Variants in ZBTB46 observed in about 807,000 individuals in gnomAD.
The protein encoded by ZBTB46 is zinc finger and BTB domain-containing protein 46.
In ZBTB46, 8 loss-of-function variants were observed where a neutral mutation model predicts 44.1. The ratio of observed to expected loss-of-function variants is 0.18; its 90% CI spans 0.11 to 0.33. ZBTB46 has a LOEUF of 0.33. Among genes scored for constraint, ZBTB46 ranks in the 10% least tolerant of loss-of-function variants. ZBTB46 has a pLI of 1.00. For synonymous variants in ZBTB46, 409 were observed against 382.3 expected, an observed-to-expected ratio of 1.07 and a Z score of -0.81; for missense variants, 651 against 847.7, an observed-to-expected ratio of 0.77 and a Z score of 2.88.
At chr20:63,783,322 G>A (rs957947092) in intron 2 of ZBTB46, among the ~76,000 whole-genome samples, 3 of 151,908 alleles carry the variant, frequency 2.0e-5, no homozygotes, top group South Asian at 2.1e-4. Flanking sequence ...CCAGCTACTC[G>A]GGAGGCTGAG....
chr20:63,813,656 G>A (rs2092730713), intron 1 of ZBTB46, among the ~76,000 whole-genome samples: 2 of 152,232 alleles, frequency 1.3e-5, no homozygotes, highest in Non-Finnish European at 2.9e-5. Flanking sequence ...GGTAGGAAGT[G>A]TCACAGAACC....
rs1247592201 is a variant in ZBTB46, at chr20:63,752,876, C to T, written c.1223-15G>A. 3 of 1,586,676 alleles carry T rather than the reference C, an allele frequency of 1.9e-6. No individual in the cohort carries two copies. The Admixed American group carries it at 5.1e-5, about 27-fold the overall frequency. On this transcript the variant is annotated splice_polypyrimidine_tract_variant and intron_variant, in intron 3 of 4. Coordinates refer to ENST00000245663, the MANE Select transcript of ZBTB46 (RefSeq NM_001369741.1). The surrounding 1 kb of genome is among the most constrained non-coding windows in gnomAD (Gnocchi z 5.6). ...GAACTCATTCACTGAAAGAGAGGGA[C>T]CCGCGAGGCGTCAGCAGGGCTTGGG... is the stretch of plus-strand genomic sequence containing the variant.
At chr20:63,783,716 G>C (rs779639978) in intron 2 of ZBTB46, among the ~76,000 whole-genome samples, 10 of 152,308 alleles carry the variant, frequency 6.6e-5, no homozygotes, top group Middle Eastern at 3.4e-3. Flanking sequence ...AGCATCTCCC[G>C]AGCAGCTGTG....
chr20:63,789,122 T>C (rs1290589210), intron 2 of ZBTB46, among the ~76,000 whole-genome samples: 1 of 149,774 alleles, frequency 6.7e-6, no homozygotes, highest in Non-Finnish European at 1.5e-5. Context: ...TGGCTGAGAC[T>C]GTCTCAAAAA....
chr20:63,752,993 G>A lies in ZBTB46; in HGVS notation c.1223-132C>T. Reference sequence around the variant, plus strand: ...TCCCACGGCCACCCACTGGGGGCTGGTCAGCACTGCGACAGGCCAGGCTCC... The same window carrying A: ...TCCCACGGCCACCCACTGGGGGCTGATCAGCACTGCGACAGGCCAGGCTCC... On this transcript the variant is annotated intron_variant, in intron 3 of 4. Transcript: ENST00000245663. This position sits in a 1 kb window ranked among gnomAD's most constrained non-coding sequence, Gnocchi z 5.6. 1 of 964,382 alleles carries A rather than the reference G, an allele frequency of 1.0e-6. No individual in the cohort carries two copies. The highest frequency in any genetic ancestry group is 2.8e-5 in the Admixed American group (1 of 35,164). 59.7% of individuals were successfully genotyped at this position (964,382 alleles called of 1,614,324 possible).
In ZBTB46 at chr20:63,775,539, C is replaced by A. The variant is rs534885034; in HGVS notation, c.1222+139G>T. 6.0e-5 allele frequency: 71 copies of A among 1,187,056 alleles called. 2 individuals carry two copies. In the Admixed American group the frequency reaches 1.8e-3, roughly 31 times the overall value. The allele number at this position is 1,187,056 out of a possible 1,614,324, so 73.5% of individuals were successfully genotyped here. On this transcript the variant is annotated intron_variant, in intron 3 of 4. Coordinates refer to ENST00000245663, the MANE Select transcript of ZBTB46 (RefSeq NM_001369741.1). ...TCCAGGCTGTGACGCCGCATCCTCACCTCCCGCAACAGGGAGGTCAGCAGG... is the reference window on the plus strand; with the variant it reads ...TCCAGGCTGTGACGCCGCATCCTCAACTCCCGCAACAGGGAGGTCAGCAGG...
intron 1 of ZBTB46, among the ~76,000 whole-genome samples, chr20:63,822,753 C>T (rs1443998143): frequency 6.6e-6 from 1 of 152,174 alleles, no homozygotes; most frequent in African/African-American, 2.4e-5. Flanking sequence ...ATGGCTCACA[C>T]CTGTCGTCCC....
chr20:63,759,697 T>A (rs946003421), intron 3 of ZBTB46, among the ~76,000 whole-genome samples: 4 of 152,186 alleles, frequency 2.6e-5, no homozygotes, highest in East Asian at 1.9e-4. Context: ...ATATAAGTGG[T>A]GACGATGGGC....
At chr20:63,778,795 G>A (rs1415539166) in intron 2 of ZBTB46, among the ~76,000 whole-genome samples, 1 of 152,132 alleles carries the variant, frequency 6.6e-6, no homozygotes, top group Non-Finnish European at 1.5e-5. Context: ...TGCATTTCTA[G>A]GAACTAAATA....
At position 63,819,043 on chromosome 20, in the gene ZBTB46, T is replaced by G. The variant is rs187163076; in HGVS notation, c.-34+12054A>C. On this transcript the variant is annotated intron_variant, in intron 1 of 4. Transcript: ENST00000245663. The stretch of plus-strand genomic sequence containing the variant: ...CAAAAATTAGCCAGGCGTGGTGGTG[T>G]GCGCCTGTAATCCCAGCTACTCAGG... 1.9e-3 allele frequency among the ~76,000 whole-genome samples: 278 copies of G among 149,388 alleles called. 2 individuals carry two copies. Among genetic ancestry groups the G allele is most frequent in the African/African-American group, 6.6e-3 (265 of 40,422 alleles).
intron 3 of ZBTB46, among the ~76,000 whole-genome samples, chr20:63,762,635 C>T (rs905705355): frequency 4.6e-5 from 7 of 150,894 alleles, no homozygotes; most frequent in Non-Finnish European, 8.8e-5. Flanking sequence ...GCCTGGGCAA[C>T]AGTGAGACTT....
intron 3 of ZBTB46, among the ~76,000 whole-genome samples, chr20:63,761,143 C>A (rs1011923518): frequency 6.7e-6 from 1 of 149,726 alleles, no homozygotes; most frequent in Non-Finnish European, 1.5e-5. Context: ...GGATTACAGG[C>A]ACCCACCACC....
At chr20:63,759,748 G>A (rs1280597124) in intron 3 of ZBTB46, among the ~76,000 whole-genome samples, 3 of 152,102 alleles carry the variant, frequency 2.0e-5, no homozygotes, top group Non-Finnish European at 4.4e-5. Flanking sequence ...AAGTCATCAT[G>A]ATTTCACAAT....
chr20:63,782,990 C>T (rs1485982188), intron 2 of ZBTB46, among the ~76,000 whole-genome samples: 1 of 152,166 alleles, frequency 6.6e-6, no homozygotes, highest in Non-Finnish European at 1.5e-5. Context: ...ATTAGCCAGG[C>T]GTGGTGGCGC....
chr20:63,813,320 G>A (rs375357184), intron 1 of ZBTB46, among the ~76,000 whole-genome samples: 8 of 151,312 alleles, frequency 5.3e-5, no homozygotes, highest in East Asian at 1.9e-4. Context: ...GTGGTGGAGC[G>A]CGCCTGTAAT....
At chr20:63,813,176 C>T (rs755349023) in intron 1 of ZBTB46, among the ~76,000 whole-genome samples, 3 of 152,180 alleles carry the variant, frequency 2.0e-5, no homozygotes, top group African/African-American at 7.2e-5. Context: ...GGGCCAGGCA[C>T]GGTGGCTCAC....
chr20:63,825,707 C>T (rs1278444131), intron 1 of ZBTB46, among the ~76,000 whole-genome samples: 1 of 152,156 alleles, frequency 6.6e-6, no homozygotes, highest in Non-Finnish European at 1.5e-5. Flanking sequence ...ACCAGGCCTT[C>T]GAGTTTCTTC....
rs2281929 is a variant in ZBTB46 at position 63,790,727 on chromosome 20, T to C, written c.31A>G (p.Thr11Ala). 0.15 allele frequency: 233,867 copies of C among 1,608,312 alleles called. 20,227 individuals are homozygous for C. The highest frequency in any genetic ancestry group is 0.44 in the East Asian group (19,690 of 44,750). MNNRKEDMEI[T>A]SHYRHLLREL... is the part of the protein sequence containing the mutation. ...CGCAGCAGGTGCCGGTAGTGGGACG[T>C]GATTTCCATATCTTCCTTTCGGTTG... The change falls in exon 2 of 5, where the codon ACG (threonine) becomes GCG (alanine). Residue 11 changes from threonine to alanine, a missense_variant. By Grantham distance (58) the Thr-to-Ala change is moderately conservative. Transcript: ENST00000245663.
At chr20:63,828,352 G>A (rs1037548797) in intron 1 of ZBTB46, among the ~76,000 whole-genome samples, 1 of 152,238 alleles carries the variant, frequency 6.6e-6, no homozygotes, top group Non-Finnish European at 1.5e-5. Context: ...AGGATAAGGC[G>A]GCGGCCTCTC....
Sources: gnomAD v4.1 joint callset for allele counts (sites outside exome capture counted in the v4.1 genomes callset) on GRCh38, gnomAD v4.1.1 for gene constraint, Gnocchi (gnomAD v3.1) non-coding constraint, MANE v1.5 for transcripts, NCBI Gene and HGNC (gene_info 2026-07-23, HGNC 2026-07-21) for gene names.